Variants in CADPS observed in about 807,000 individuals in gnomAD.
CADPS encodes calcium-dependent secretion activator 1.
Under a neutral mutation model 167.3 loss-of-function variants are expected in CADPS, and 57 were observed. That is an observed-to-expected ratio of 0.34 (90% CI 0.28 to 0.42). CADPS has a LOEUF of 0.42. Ranked by LOEUF, CADPS falls within the 20% of genes least tolerant of loss-of-function variation. The probability of loss-of-function intolerance (pLI) is 1.00; values close to 1 mark genes in which losing one functional copy is unlikely to be tolerated. For missense variants in CADPS, 1,414 were observed against 1,738.1 expected (o/e 0.81, Z 3.32); for synonymous variants, 676 against 635.3 (o/e 1.06, Z -0.96).
At position 62,738,480 on chromosome 3, in the gene CADPS, T is replaced by C. The variant is rs182645454; in HGVS notation, c.888+14961A>G. ...GTCTCATGCCTGTAATCCCAGCACT[T>C]TGGGAGGCCGAGGCAGGTGGATCAT... On this transcript the variant is annotated intron_variant, in intron 3 of 29. Coordinates refer to ENST00000383710, the MANE Select transcript of CADPS (RefSeq NM_003716.4). Among the ~76,000 whole-genome samples the C allele has an allele frequency of 2.9e-3, 439 of 152,226 alleles. 1 individual carries two copies. The highest frequency in any genetic ancestry group is 0.01 in the African/African-American group (416 of 41,552).
chr3:62,480,903 C>A (rs1198986593), intron 22 of CADPS, among the ~76,000 whole-genome samples: 1 of 152,166 alleles, frequency 6.6e-6, no homozygotes, highest in African/African-American at 2.4e-5. Flanking sequence ...AGAGAAGATT[C>A]ATTTTTGAAG....
intron 7 of CADPS, among the ~76,000 whole-genome samples, chr3:62,588,250 A>C (rs2085098611): frequency 6.7e-6 from 1 of 149,992 alleles, no homozygotes; most frequent in African/African-American, 2.4e-5. Context: ...CTGAGACTGT[A>C]TGACTGGATT....
At chr3:62,872,261 C>A (rs940795564) in intron 1 of CADPS, among the ~76,000 whole-genome samples, 1 of 152,160 alleles carries the variant, frequency 6.6e-6, no homozygotes, top group Non-Finnish European at 1.5e-5. Context: ...TTATGCAAAC[C>A]TTTTAATTAC....
chr3:62,688,122 C>T (rs1312088135), intron 3 of CADPS, among the ~76,000 whole-genome samples: 2 of 152,034 alleles, frequency 1.3e-5, no homozygotes, highest in African/African-American at 4.8e-5. Flanking sequence ...CATTGCAGCA[C>T]TACTAGCATT....
At chr3:62,474,400 GA>G (rs2150607135) in intron 23 of CADPS, 80 bp from the exon 24 acceptor site, 1 of 1,338,250 alleles carries the variant, frequency 7.5e-7, no homozygotes, top group Non-Finnish European at 1.1e-6. Context: ...AGAGGTCAGT[GA>G]AAAAGAAAAT....
intron 6 of CADPS, among the ~76,000 whole-genome samples, chr3:62,616,426 C>CA (rs536419187): frequency 2.7e-5 from 4 of 150,882 alleles, no homozygotes; most frequent in Non-Finnish European, 4.4e-5. Flanking sequence ...GAGAAAATGC[C>CA]AAAAAAAATC....
chr3:62,724,014 C>T (rs771997622), intron 3 of CADPS, among the ~76,000 whole-genome samples: 6 of 152,234 alleles, frequency 3.9e-5, no homozygotes, highest in Non-Finnish European at 5.9e-5. Context: ...GGGAGCTGCA[C>T]TTGTGGCTTG....
At chr3:62,867,133 T>C (rs551042489) in intron 1 of CADPS, among the ~76,000 whole-genome samples, 1 of 152,210 alleles carries the variant, frequency 6.6e-6, no homozygotes, top group African/African-American at 2.4e-5. Flanking sequence ...ATGGTAATAG[T>C]CAATATCATA....
intron 3 of CADPS, among the ~76,000 whole-genome samples, chr3:62,747,380 GCTATGTAGT>G (rs1190337031): frequency 6.6e-6 from 1 of 152,214 alleles, no homozygotes; most frequent in African/African-American, 2.4e-5. Context: ...CAAGGAAAAA[GCTATGTAGT>G]TATATGGAGA....
Position 62,645,714 on chromosome 3 carries a change from T to A in CADPS, c.1325+8A>T, listed in dbSNP as rs2068406949. The A allele has an allele frequency of 1.9e-6, 3 of 1,613,652 alleles. No individual in the cohort carries two copies. Among genetic ancestry groups the A allele is most frequent in the Non-Finnish European group, 2.5e-6 (3 of 1,179,816 alleles). On this transcript the variant is annotated splice_region_variant and intron_variant, in intron 6 of 29. Coordinates refer to ENST00000383710, the MANE Select transcript of CADPS (RefSeq NM_003716.4). ...CTATAAGATGGACCCTGGAGAAACA[T>A]AACTTACGTTGGTTTAGAAGCCTCG...
At chr3:62,658,934 T>A (rs1327174115) in intron 4 of CADPS, among the ~76,000 whole-genome samples, 1 of 151,716 alleles carries the variant, frequency 6.6e-6, no homozygotes, top group East Asian at 1.9e-4. Context: ...GCAGGGAGAG[T>A]CCTGATCACT....
At chr3:62,519,430 T>C (rs116568229) in intron 13 of CADPS, among the ~76,000 whole-genome samples, 8 of 152,176 alleles carry the variant, frequency 5.3e-5, no homozygotes, top group African/African-American at 1.9e-4. Context: ...CCTTCTTTTT[T>C]GATAATAAAA....
chr3:62,588,893 G>A (rs1183279117), intron 7 of CADPS, among the ~76,000 whole-genome samples: 1 of 151,990 alleles, frequency 6.6e-6, no homozygotes, highest in African/African-American at 2.4e-5. Context: ...TAAAAGAGGG[G>A]GAATATATAC....
intron 1 of CADPS, among the ~76,000 whole-genome samples, chr3:62,798,571 T>C (rs982186651): frequency 6.6e-6 from 1 of 151,998 alleles, no homozygotes; most frequent in African/African-American, 2.4e-5. Flanking sequence ...CTTAATAAAC[T>C]CCCCTTCAGA....
intron 24 of CADPS, 22 bp downstream of exon 24, chr3:62,474,151 G>A (rs1322630421): frequency 4.0e-6 from 2 of 497,524 alleles, no homozygotes; most frequent in Non-Finnish European, 5.5e-6. Context: ...AAAAAAATCT[G>A]TATTTTTTTT....
In CADPS at chr3:62,478,499, A is replaced by G; in HGVS notation, c.3174-83T>C. The G allele has an allele frequency of 7.4e-7, 1 of 1,349,258 alleles. No individual in the cohort carries two copies. Among genetic ancestry groups the G allele is most frequent in the African/African-American group, 1.5e-5 (1 of 68,648 alleles). The allele number at this position is 1,349,258 out of a possible 1,614,324, so 83.6% of individuals were successfully genotyped here. ...ACTAACACAGAGACAACTGGGGGCT[A>G]GAAGGCAAACAGCAGCTTCAACATA... On this transcript the variant is annotated intron_variant, in intron 22 of 29. Coordinates refer to ENST00000383710, the MANE Select transcript of CADPS (RefSeq NM_003716.4). The surrounding 1 kb of genome is among the most constrained non-coding windows in gnomAD (Gnocchi z 5.7).
At chr3:62,415,447 C>T (rs1305775914) in intron 28 of CADPS, among the ~76,000 whole-genome samples, 1 of 152,028 alleles carries the variant, frequency 6.6e-6, no homozygotes, top group Admixed American at 6.6e-5. Flanking sequence ...AGGGGTGCTG[C>T]AAACAGACAC....
chr3:62,474,455 T>C (rs1319774970), intron 23 of CADPS, 135 bp from the exon 24 acceptor site: 23 of 750,812 alleles, frequency 3.1e-5, no homozygotes, highest in Middle Eastern at 2.4e-4. Context: ...TTCACATGTG[T>C]TCCCTTTTAA....
At position 62,433,560 on chromosome 3, in the gene CADPS, A is replaced by G. The variant is rs2054395544; in HGVS notation, c.3777+4544T>C. Among the ~76,000 whole-genome samples, 5 of 152,156 alleles carry G rather than the reference A, an allele frequency of 3.3e-5. No individual in the cohort carries two copies. On this transcript the variant is annotated intron_variant, in intron 28 of 29. Transcript: ENST00000383710. The surrounding 1 kb of genome is among the most constrained non-coding windows in gnomAD (Gnocchi z 4.7). ...TAATCCATGTATCATCTCCAGTCAAATGTTCCCTGGGCCTGGTTCCCAATG... is the reference window on the plus strand; with the variant it reads ...TAATCCATGTATCATCTCCAGTCAAGTGTTCCCTGGGCCTGGTTCCCAATG...
Sources: gnomAD v4.1 joint callset for allele counts (sites outside exome capture counted in the v4.1 genomes callset) on GRCh38, gnomAD v4.1.1 for gene constraint, Gnocchi (gnomAD v3.1) non-coding constraint, MANE v1.5 for transcripts, NCBI Gene and HGNC (gene_info 2026-07-23, HGNC 2026-07-21) for gene names.